LPP: variants seen among roughly 807,000 people sequenced by gnomAD.
LPP encodes the protein lipoma-preferred partner.
In LPP, 38 loss-of-function variants were observed where a neutral mutation model predicts 60.4. The ratio of observed to expected loss-of-function variants is 0.63; its 90% CI spans 0.49 to 0.83. LPP has a LOEUF of 0.83. Ranked by LOEUF, LPP falls within the 40% of genes least tolerant of loss-of-function variation. The pLI is 0.00. For missense variants in LPP, 902 were observed against 783.6 expected, an observed-to-expected ratio of 1.15 and a Z score of -1.80; for synonymous variants, 328 against 290.8, an observed-to-expected ratio of 1.13 and a Z score of -1.30.
intron 6 of LPP, among the ~76,000 whole-genome samples, chr3:188,550,994 G>T (rs1827978484): frequency 6.6e-6 from 1 of 152,078 alleles, no homozygotes; most frequent in South Asian, 2.1e-4. Flanking sequence ...TTTTCCATAA[G>T]AATTATATAA....
rs1376734082 is a variant in LPP, at chr3:188,586,438, T to C, written c.430-22723T>C. 8.5e-5 allele frequency among the ~76,000 whole-genome samples: 13 copies of C among 152,322 alleles called. No homozygotes were observed. In the East Asian group the frequency reaches 2.1e-3, roughly 25 times the overall value. ...CTAAATAGGCCTCATTAGTCCACTG[T>C]GGACCATGTTTAATTGATATTAGAA... On this transcript the variant is annotated intron_variant, in intron 6 of 11. Coordinates refer to ENST00000617246, the MANE Select transcript of LPP (RefSeq NM_001375462.1).
intron 9 of LPP, among the ~76,000 whole-genome samples, chr3:188,776,056 C>T (rs193267532): frequency 4.6e-5 from 7 of 152,234 alleles, no homozygotes; most frequent in Non-Finnish European, 1.0e-4. Flanking sequence ...CCGTGCTATG[C>T]GGAATACAGC....
At chr3:188,477,018 A>G (rs184590212) in intron 4 of LPP, among the ~76,000 whole-genome samples, 1 of 152,230 alleles carries the variant, frequency 6.6e-6, no homozygotes, top group African/African-American at 2.4e-5. Context: ...CGCTTTATTA[A>G]TAGCTTCATA....
intron 7 of LPP, among the ~76,000 whole-genome samples, chr3:188,705,512 A>G (rs1168302106): frequency 3.3e-5 from 5 of 152,166 alleles, no homozygotes; most frequent in African/African-American, 7.2e-5. Context: ...AGTCACATGT[A>G]TGCAATTTAA....
At chr3:188,456,255 G>C (rs1336876823) in intron 4 of LPP, among the ~76,000 whole-genome samples, 1 of 152,152 alleles carries the variant, frequency 6.6e-6, no homozygotes, top group Non-Finnish European at 1.5e-5. Flanking sequence ...AAACTTCTCA[G>C]CTATGCATGT....
chr3:188,872,803 G>A (rs200860142), intron 11 of LPP, 40 bp downstream of exon 11: 113 of 1,612,952 alleles, frequency 7.0e-5, no homozygotes, highest in African/African-American at 5.3e-5. Flanking sequence ...TGTGGCAGGC[G>A]TTGAAAGGCT....
chr3:188,532,422 CTCAATCAATCAATCAA>C (rs145870680), intron 6 of LPP, among the ~76,000 whole-genome samples: 1 of 151,408 alleles, frequency 6.6e-6, no homozygotes, highest in African/African-American at 2.4e-5. Context: ...AAAACTCTGT[CTCAATCAATCAATCAA>C]TCAATCAATC....
intron 4 of LPP, among the ~76,000 whole-genome samples, chr3:188,425,488 T>C (rs531348940): frequency 5.1e-4 from 77 of 152,264 alleles, no homozygotes; most frequent in African/African-American, 1.8e-3. Context: ...GAGTCCCTCT[T>C]TTTCTATTGT....
intron 5 of LPP, among the ~76,000 whole-genome samples, chr3:188,487,672 G>A (rs1013928170): frequency 7.2e-5 from 11 of 152,156 alleles, no homozygotes; most frequent in Admixed American, 2.0e-4. Context: ...ATGTGATAGC[G>A]GCTTGGTCCT....
chr3:188,657,261 T>TATATATATATATATATAATATATATA (rs1853458419), intron 7 of LPP, among the ~76,000 whole-genome samples: 1 of 126,360 alleles, frequency 7.9e-6, no homozygotes, highest in South Asian at 2.4e-4. Flanking sequence ...TCAAGGTGTA[T>TATATATATATATATATAATATATATA]ATATATATAT....
chr3:188,216,603 G>T (rs2149252462), intron 1 of LPP, among the ~76,000 whole-genome samples: 1 of 152,220 alleles, frequency 6.6e-6, no homozygotes, highest in African/African-American at 2.4e-5. Context: ...TTTCATCTGG[G>T]CAATGCCCTG....
At chr3:188,858,581 T>G (rs1261844428) in intron 9 of LPP, among the ~76,000 whole-genome samples, 1 of 152,256 alleles carries the variant, frequency 6.6e-6, no homozygotes. Flanking sequence ...GTGAAGAATG[T>G]GATTTTTAGC....
chr3:188,405,753 C>T lies in LPP; in HGVS notation c.-9-359C>T, dbSNP rs1438956379. Among the ~76,000 whole-genome samples, 4 of 152,280 alleles carry T rather than the reference C, an allele frequency of 2.6e-5. No individual in the cohort carries two copies. The East Asian group carries it at 7.7e-4, about 29-fold the overall frequency. On this transcript the variant is annotated intron_variant, in intron 3 of 11. Coordinates refer to ENST00000617246, the MANE Select transcript of LPP (RefSeq NM_001375462.1). Reference sequence around the variant, plus strand: ...TTCCATCCTCCTACCATAAAATCTCCTTCAAGTTAGGAACCATTTCTTATT... The same window carrying T: ...TTCCATCCTCCTACCATAAAATCTCTTTCAAGTTAGGAACCATTTCTTATT...
intron 7 of LPP, among the ~76,000 whole-genome samples, chr3:188,638,525 CAGG>C (rs1303651372): frequency 6.8e-6 from 1 of 146,410 alleles, no homozygotes; most frequent in Non-Finnish European, 1.5e-5. Flanking sequence ...GGCAGTTAGG[CAGG>C]AGAAGGAAAT....
At chr3:188,738,401 A>G (rs565839493) in intron 8 of LPP, among the ~76,000 whole-genome samples, 1 of 152,330 alleles carries the variant, frequency 6.6e-6, no homozygotes, top group East Asian at 1.9e-4. Context: ...TTATACCCAG[A>G]TAGGTTATAC....
chr3:188,794,881 T>G (rs571214598), intron 9 of LPP, among the ~76,000 whole-genome samples: 1 of 152,290 alleles, frequency 6.6e-6, no homozygotes, highest in Non-Finnish European at 1.5e-5. Flanking sequence ...CTCATGCCTG[T>G]AATCCCAGCA....
At chr3:188,163,248 G>T (rs1025144862) in intron 1 of LPP, among the ~76,000 whole-genome samples, 1 of 152,164 alleles carries the variant, frequency 6.6e-6, no homozygotes, top group East Asian at 1.9e-4. Flanking sequence ...GGTGTTGAAG[G>T]TGAAACCAGG....
intron 7 of LPP, among the ~76,000 whole-genome samples, chr3:188,652,397 C>T (rs954304900): frequency 1.3e-5 from 2 of 152,048 alleles, no homozygotes; most frequent in East Asian, 1.9e-4. Flanking sequence ...GCCTATAGAT[C>T]CTCTGTCACC....
intron 7 of LPP, among the ~76,000 whole-genome samples, chr3:188,677,220 A>G (rs925207320): frequency 5.3e-5 from 8 of 152,126 alleles, no homozygotes. Context: ...GGGATAATAA[A>G]TGTATGTTGT....
Sources: gnomAD v4.1 joint callset for allele counts (sites outside exome capture counted in the v4.1 genomes callset) on GRCh38, gnomAD v4.1.1 for gene constraint, MANE v1.5 for transcripts, NCBI Gene and HGNC (gene_info 2026-07-23, HGNC 2026-07-21) for gene names.